Variants in CTC1 observed in about 807,000 individuals in gnomAD.
CTC1 encodes CST telomere replication complex component 1, also known as CST complex subunit CTC1.
CTC1 carries 91 observed loss-of-function variants against 136.3 expected under a neutral mutation model. The ratio of observed to expected loss-of-function variants is 0.67; its 90% CI spans 0.56 to 0.79. The LOEUF is 0.79. Ranked by LOEUF, CTC1 falls within the 30% of genes least tolerant of loss-of-function variation. The pLI, the probability that CTC1 is intolerant of heterozygous loss-of-function variation, is 0.00. For missense variants in CTC1, 1,432 were observed against 1,498.1 expected, an observed-to-expected ratio of 0.96 and a Z score of 0.73; for synonymous variants, 606 against 613.8, an observed-to-expected ratio of 0.99 and a Z score of 0.19.
intron 1 of CTC1, among the ~76,000 whole-genome samples, chr17:8,244,818 C>T (rs950689699): frequency 7.2e-5 from 11 of 152,184 alleles, no homozygotes; most frequent in South Asian, 2.1e-4. Context: ...TGAGCCACCA[C>T]GCCTGGCCTT....
intron 14 of CTC1, 125 bp from the exon 15 acceptor site, chr17:8,231,594 G>A: frequency 1.6e-6 from 2 of 1,219,440 alleles, no homozygotes; most frequent in Non-Finnish European, 2.4e-6. Flanking sequence ...AACACACACA[G>A]GCTTTCTGGT....
chr17:8,247,964 A>G, intron 1 of CTC1, 40 bp downstream of exon 1: 1 of 1,598,726 alleles, frequency 6.3e-7, no homozygotes, highest in Non-Finnish European at 8.5e-7. Context: ...TCTGTGACAA[A>G]CAAGAAAAAA....
In CTC1 at chr17:8,238,518, C is replaced by T. The variant is rs773298408; in HGVS notation, c.309G>A (p.Gly103=). The change falls in exon 3 of 23, where the codon GGG becomes GGA. Residue 103 remains glycine, a synonymous_variant. Transcript: ENST00000651323. ...QAWAQEAGPN[G]NPLPREQLLL... Reference sequence around the variant, plus strand: ...ACAGCTGCTCTCGGGGCAGGGGGTTCCCATTTGGTCCAGCCTCTTGGGCCC... The same window carrying T: ...ACAGCTGCTCTCGGGGCAGGGGGTTTCCATTTGGTCCAGCCTCTTGGGCCC... 3.1e-6 allele frequency: 5 copies of T among 1,614,170 alleles called. No homozygotes were observed. The South Asian group carries it at 3.3e-5, about 11-fold the overall frequency.
chr17:8,232,551 G>T, intron 11 of CTC1, 76 bp from the exon 12 acceptor site: 1 of 1,202,286 alleles, frequency 8.3e-7, no homozygotes, highest in Non-Finnish European at 1.2e-6. Context: ...CATCCTACCG[G>T]CCTCACTACC....
chr17:8,232,899 T>A lies in CTC1; in HGVS notation c.1945+7A>T. 6.2e-7 allele frequency: 1 copy of A among 1,613,790 alleles called. No individual in the cohort carries two copies. The highest frequency in any genetic ancestry group is 8.5e-7 in the Non-Finnish European group (1 of 1,179,820). Reference sequence around the variant, plus strand: ...TACCATCTTCTTTCCACATCTGAACTCCAAACCTATCAGCCGTGGGTCACT... The same window carrying A: ...TACCATCTTCTTTCCACATCTGAACACCAAACCTATCAGCCGTGGGTCACT... On this transcript the variant is annotated splice_region_variant and intron_variant, in intron 11 of 22. Coordinates refer to ENST00000651323, the MANE Select transcript of CTC1 (RefSeq NM_025099.6).
chr17:8,233,186 C>T, intron 10 of CTC1, 154 bp from the exon 11 acceptor site: 2 of 769,038 alleles, frequency 2.6e-6, no homozygotes, highest in Non-Finnish European at 4.1e-6. Context: ...GTGGGGAAGA[C>T]AGACATAAAA....
intron 20 of CTC1, 80 bp from the exon 21 acceptor site, chr17:8,228,972 C>A (rs745459206): frequency 6.6e-7 from 1 of 1,515,100 alleles, no homozygotes; most frequent in Non-Finnish European, 8.9e-7. Context: ...CCTCCCTCCC[C>A]GCTGTCTGCA....
intron 16 of CTC1, 41 bp from the exon 17 acceptor site, chr17:8,230,509 C>G: frequency 6.2e-7 from 1 of 1,613,448 alleles, no homozygotes; most frequent in Non-Finnish European, 8.5e-7. Flanking sequence ...CTGTGAAGTC[C>G]ACAAAGTCCC....
intron 15 of CTC1, chr17:8,230,909 G>T: frequency 1.9e-6 from 1 of 520,294 alleles, no homozygotes; most frequent in Non-Finnish European, 3.4e-6. Flanking sequence ...GGCTGAGGTG[G>T]GAGGCTCACT....
Position 8,226,155 on chromosome 17 carries a change from C to T in CTC1, c.*2025G>A, listed in dbSNP as rs1443556191. The T allele has an allele frequency of 6.6e-6, 1 of 152,182 alleles. No individual in the cohort carries two copies. The highest frequency in any genetic ancestry group is 1.5e-5 in the Non-Finnish European group (1 of 68,038). 9.4% of individuals were successfully genotyped at this position (152,182 alleles called of 1,614,324 possible). ...GGGTGCTATGAGTGCAGAACAGAAA[C>T]TCTTACGCGTTCTGATATAAAAACA... is the stretch of plus-strand genomic sequence containing the variant. On this transcript the variant is annotated 3_prime_UTR_variant, in exon 23 of 23. Coordinates refer to ENST00000651323, the MANE Select transcript of CTC1 (RefSeq NM_025099.6).
intron 16 of CTC1, 41 bp downstream of exon 16, chr17:8,230,522 C>T: frequency 6.2e-7 from 1 of 1,613,696 alleles, no homozygotes; most frequent in Non-Finnish European, 8.5e-7. Flanking sequence ...AAAGTCCCAT[C>T]ACTCTATTTC....
Position 8,248,053 on chromosome 17 carries a change from GC to G in CTC1, c.-18del. On this transcript the variant is annotated 5_prime_UTR_variant, in exon 1 of 23. Transcript: ENST00000651323. ...AGCCGCCATGATGCGCCGGAGCTCC[GC>G]CCCCGGGAGGGGCAGGTGCTCGCTT... 9.2e-7 allele frequency: 1 copy of G among 1,088,662 alleles called. No individual in the cohort carries two copies. Among genetic ancestry groups the G allele is most frequent in the Non-Finnish European group, 1.3e-6 (1 of 790,672 alleles). The allele number at this position is 1,088,662 out of a possible 1,614,324, so 67.4% of individuals were successfully genotyped here.
chr17:8,240,331 T>G (rs965674208), intron 2 of CTC1, among the ~76,000 whole-genome samples: 4 of 151,502 alleles, frequency 2.6e-5, no homozygotes, highest in African/African-American at 9.7e-5. Context: ...ATTTTTTGTA[T>G]TTTTAGTAGA....
chr17:8,237,359 T>TTAA lies in CTC1; in HGVS notation c.792+15_792+16insTTA. ...CCCTCCCCCACTTCCATGGCTGAAA[T>TTAA]GACCCCAGTCCTCACCTGCACGATG... is the stretch of plus-strand genomic sequence containing the variant. On this transcript the variant is annotated intron_variant, in intron 5 of 22. Transcript: ENST00000651323. The TTAA allele has an allele frequency of 6.2e-7, 1 of 1,613,338 alleles. No homozygotes were observed. Among genetic ancestry groups the TTAA allele is most frequent in the African/African-American group, 1.3e-5 (1 of 74,986 alleles).
rs993406465 is a variant in CTC1, at chr17:8,231,925, C to T, written c.2363G>A (p.Gly788Glu). ...TACCTTCTGATCATTGTCGTCATTT[C>T]CCTGGGGCTCGGGCAGCCCCCATCC... Reference protein sequence around the residue: ...GTGWGLPEPQGNDDNDQKVHL... With the variant: ...GTGWGLPEPQENDDNDQKVHL... Residue 788 changes from glycine to glutamate, a missense_variant, in exon 13 of 23, where the codon GGA becomes GAA. Transcript: ENST00000651323. The T allele has an allele frequency of 6.2e-7, 1 of 1,613,246 alleles. No individual in the cohort carries two copies. Among genetic ancestry groups the T allele is most frequent in the African/African-American group, 1.3e-5 (1 of 74,906 alleles).
At chr17:8,247,405 G>A (rs12451800) in intron 1 of CTC1, among the ~76,000 whole-genome samples, 15,197 of 148,972 alleles carry the variant, frequency 0.1, 1,272 homozygotes, top group East Asian at 0.29. Context: ...CGTCTACCCG[G>A]TTCAAGCGAT....
chr17:8,242,037 A>AT (rs902442009), intron 2 of CTC1, among the ~76,000 whole-genome samples: 8 of 111,824 alleles, frequency 7.2e-5, no homozygotes, highest in Non-Finnish European at 1.2e-4. Flanking sequence ...TATTATTATT[A>AT]TTTTTTTTTA....
Position 8,233,006 on chromosome 17 carries a change from T to C in CTC1, c.1845A>G (p.Ser615=), listed in dbSNP as rs756186961. 5 of 1,614,138 alleles carry C rather than the reference T, an allele frequency of 3.1e-6. No homozygotes were observed. The African/African-American group carries it at 4.0e-5, about 13-fold the overall frequency. The stretch of plus-strand genomic sequence containing the variant: ...GAAGTTGCAGACAACCTTTATGAGA[T>C]GAAGCCACCAGAACCCCAAGTAAAA... ...AQVLLGVLVA[S]SHKGCLQLRD... Residue 615 remains serine (S), a synonymous_variant, in exon 11 of 23, where the codon TCA becomes TCG. Coordinates refer to ENST00000651323, the MANE Select transcript of CTC1 (RefSeq NM_025099.6).
Position 8,231,900 on chromosome 17 carries a change from T to C in CTC1, c.2385+3A>G. The C allele has an allele frequency of 6.2e-7, 1 of 1,613,742 alleles. No homozygotes were observed. The highest frequency in any genetic ancestry group is 8.5e-7 in the Non-Finnish European group (1 of 1,179,834). On this transcript the variant is annotated splice_donor_region_variant and intron_variant, in intron 13 of 22. Transcript: ENST00000651323. ...GTCCTGGGTCCCTGGAGTCCCAGTT[T>C]ACCTTCTGATCATTGTCGTCATTTC...
Sources: allele counts gnomAD v4.1 joint callset (sites outside exome capture counted in the v4.1 genomes callset), GRCh38; gene constraint gnomAD v4.1.1; transcripts MANE v1.5; gene names NCBI Gene and HGNC (gene_info 2026-07-23, HGNC 2026-07-21).